IQCH: variants seen among roughly 807,000 people sequenced by gnomAD.
IQCH encodes the protein IQ domain-containing protein H.
IQCH carries 98 observed loss-of-function variants against 117.0 expected under a neutral mutation model. The observed-to-expected ratio is 0.84, with a 90% CI of 0.71 to 0.99. The LOEUF (loss-of-function observed/expected upper bound fraction) is 0.99, where lower values mean the gene tolerates loss of function less well. Ranked by LOEUF, IQCH falls within the 50% of genes least tolerant of loss-of-function variation. The pLI, the probability that IQCH is intolerant of heterozygous loss-of-function variation, is 0.00. For missense variants in IQCH, 1,102 were observed against 1,243.8 expected (o/e 0.89, Z 1.72); for synonymous variants, 412 against 448.2 (o/e 0.92, Z 1.02).
At chr15:67,306,177 G>T (rs1375424466) in intron 4 of IQCH, among the ~76,000 whole-genome samples, 3 of 151,952 alleles carry the variant, frequency 2.0e-5, no homozygotes, top group Non-Finnish European at 2.9e-5. Flanking sequence ...TTTCATTTTG[G>T]ATTTATAAAA....
chr15:67,308,545 C>G (rs1967421407), intron 4 of IQCH, among the ~76,000 whole-genome samples: 1 of 152,094 alleles, frequency 6.6e-6, no homozygotes, highest in Non-Finnish European at 1.5e-5. Flanking sequence ...GTGGCATGCA[C>G]AACATCCCAC....
At chr15:67,343,378 C>T (rs1406193633) in intron 5 of IQCH, among the ~76,000 whole-genome samples, 1 of 152,236 alleles carries the variant, frequency 6.6e-6, no homozygotes, top group Non-Finnish European at 1.5e-5. Flanking sequence ...TTCCCTCTAA[C>T]AGCAGGCTTG....
Position 67,381,311 on chromosome 15 carries a change from G to T in IQCH, c.1373-3625G>T, listed in dbSNP as rs535728219. On this transcript the variant is annotated intron_variant, in intron 10 of 20. Coordinates refer to ENST00000335894, the MANE Select transcript of IQCH (RefSeq NM_001031715.3). The surrounding 1 kb of genome is among the most constrained non-coding windows in gnomAD (Gnocchi z 5.1). ...ACCCTTGATGAGCAACCTTGGTTCA[G>T]TGGGGGACCAGAAGTAGTAGATGAG... Among the ~76,000 whole-genome samples, 1 of 152,256 alleles carries T rather than the reference G, an allele frequency of 6.6e-6. No homozygotes were observed. Among genetic ancestry groups the T allele is most frequent in the Non-Finnish European group, 1.5e-5 (1 of 68,034 alleles).
At chr15:67,483,219 A>G (rs1164538852) in intron 18 of IQCH, among the ~76,000 whole-genome samples, 38 of 152,214 alleles carry the variant, frequency 2.5e-4, no homozygotes, top group Admixed American at 2.5e-3. Flanking sequence ...CAACTAAAAC[A>G]GTCCTTAAAA....
At chr15:67,499,297 C>CAAAAAAAAAAAAAAAAAA (rs59618730) in intron 20 of IQCH, among the ~76,000 whole-genome samples, 12 of 49,158 alleles carry the variant, frequency 2.4e-4, no homozygotes, top group African/African-American at 1.0e-3. Context: ...AGACCTGTCC[C>CAAAAAAAAAAAAAAAAAA]AAAAAAAAAA....
intron 4 of IQCH, among the ~76,000 whole-genome samples, chr15:67,323,461 C>G (rs1968243656): frequency 6.6e-6 from 1 of 152,056 alleles, no homozygotes; most frequent in Admixed American, 6.5e-5. Flanking sequence ...CCAGGATGGT[C>G]TCAATCTCCT....
At position 67,329,039 on chromosome 15, in the gene IQCH, T is replaced by A. The variant is rs534853682; in HGVS notation, c.388-7936T>A. On this transcript the variant is annotated intron_variant, in intron 4 of 20. Transcript: ENST00000335894. ...TGTGGCTGGGCATGGTGGCTCACAC[T>A]TGTAATCCCAGCACTTTGGAAGGCT... is the stretch of plus-strand genomic sequence containing the variant. Among the ~76,000 whole-genome samples the A allele has an allele frequency of 2.1e-3, 326 of 152,224 alleles. 1 individual carries two copies. The highest frequency in any genetic ancestry group is 7.5e-3 in the African/African-American group (311 of 41,560).
intron 8 of IQCH, among the ~76,000 whole-genome samples, chr15:67,363,056 C>A (rs1970202010): frequency 6.6e-6 from 1 of 152,072 alleles, no homozygotes; most frequent in East Asian, 1.9e-4. Flanking sequence ...CCTGGAGATA[C>A]AAAACAAGAT....
chr15:67,460,193 C>T (rs1412400285), intron 16 of IQCH, among the ~76,000 whole-genome samples: 3 of 152,154 alleles, frequency 2.0e-5, no homozygotes, highest in Non-Finnish European at 4.4e-5. Context: ...TGCATTTGTA[C>T]CATTTCAAGT....
chr15:67,321,462 CT>C lies in IQCH; in HGVS notation c.388-15511del, dbSNP rs1164095092. Among the ~76,000 whole-genome samples the C allele has an allele frequency of 1.3e-4, 18 of 135,058 alleles. 2 individuals carry two copies. The highest frequency in any genetic ancestry group is 5.4e-4 in the East Asian group (2 of 3,684). The allele number at this position is 135,058 out of a possible 152,430, so 88.6% of individuals were successfully genotyped here. ...TTCTTTTCTTTCTTTCCTTCCTTTC[CT>C]TCCTTCCTTCCTTTCTTTCTTTCTT... On this transcript the variant is annotated intron_variant, in intron 4 of 20. Transcript: ENST00000335894.
intron 4 of IQCH, among the ~76,000 whole-genome samples, chr15:67,283,604 G>T (rs74020133): frequency 0.015 from 2,217 of 152,028 alleles, 54 homozygotes; most frequent in African/African-American, 0.047. Flanking sequence ...AGTCTAAAGA[G>T]TCCAAAGTAA....
chr15:67,472,882 G>A lies in IQCH; in HGVS notation c.2677-2814G>A, dbSNP rs1378460089. 6.6e-6 allele frequency among the ~76,000 whole-genome samples: 1 copy of A among 152,156 alleles called. No individual in the cohort carries two copies. Among genetic ancestry groups the A allele is most frequent in the African/African-American group, 2.4e-5 (1 of 41,428 alleles). On this transcript the variant is annotated intron_variant, in intron 17 of 20. Coordinates refer to ENST00000335894, the MANE Select transcript of IQCH (RefSeq NM_001031715.3). This position sits in a 1 kb window ranked among gnomAD's most constrained non-coding sequence, Gnocchi z 4.3. ...TGCATCACAAACCCCAGTCTGGGAGGAAGGGGAGTTGCACTCTGCATCTGT... is the reference window on the plus strand; with the variant it reads ...TGCATCACAAACCCCAGTCTGGGAGAAAGGGGAGTTGCACTCTGCATCTGT...
chr15:67,350,600 G>A (rs544938602), intron 6 of IQCH, among the ~76,000 whole-genome samples: 88 of 151,842 alleles, frequency 5.8e-4, no homozygotes, highest in Non-Finnish European at 1.1e-3. Context: ...CCAATTTTTC[G>A]TATTTTCAGT....
chr15:67,297,158 G>T (rs1966857645), intron 4 of IQCH, among the ~76,000 whole-genome samples: 1 of 152,132 alleles, frequency 6.6e-6, no homozygotes, highest in East Asian at 1.9e-4. Context: ...GCCCTAACAG[G>T]GAGATAAGAG....
In IQCH at chr15:67,349,157, T is replaced by G. The variant is rs140210105; in HGVS notation, c.637+4966T>G. Among the ~76,000 whole-genome samples the G allele has an allele frequency of 2.4e-4, 36 of 152,346 alleles. 1 individual carries two copies. The East Asian group carries it at 5.8e-3, about 24-fold the overall frequency. ...ATATACAGCCTAAGCTATAAAACTT[T>G]TGGAAGAAAACAAAGGGGAAAATTT... On this transcript the variant is annotated intron_variant, in intron 6 of 20. Transcript: ENST00000335894.
chr15:67,271,144 A>G (rs1965882208), intron 3 of IQCH, among the ~76,000 whole-genome samples: 1 of 152,084 alleles, frequency 6.6e-6, no homozygotes, highest in African/African-American at 2.4e-5. Flanking sequence ...AATTTTTTGT[A>G]TTTTTAGTAG....
At chr15:67,331,085 C>G (rs1484864590) in intron 4 of IQCH, among the ~76,000 whole-genome samples, 1 of 152,074 alleles carries the variant, frequency 6.6e-6, no homozygotes, top group Non-Finnish European at 1.5e-5. Flanking sequence ...CAGAGCTACC[C>G]AAGTATGCAC....
At position 67,453,552 on chromosome 15, in the gene IQCH, C is replaced by A. The variant is rs928987277; in HGVS notation, c.2506-11575C>A. ...CTGCAGAACAGTGGATTTTGGTGAACCGCAAATGCTGCTGCCTGATCATTC... is the reference window on the plus strand; with the variant it reads ...CTGCAGAACAGTGGATTTTGGTGAAACGCAAATGCTGCTGCCTGATCATTC... On this transcript the variant is annotated intron_variant, in intron 16 of 20. Transcript: ENST00000335894. The surrounding 1 kb of genome is among the most constrained non-coding windows in gnomAD (Gnocchi z 5.8). Among the ~76,000 whole-genome samples, 1 of 152,184 alleles carries A rather than the reference C, an allele frequency of 6.6e-6. No homozygotes were observed. The highest frequency in any genetic ancestry group is 2.4e-5 in the African/African-American group (1 of 41,448).
intron 8 of IQCH, among the ~76,000 whole-genome samples, chr15:67,363,176 C>A (rs116010240): frequency 1.7e-3 from 247 of 146,474 alleles, no homozygotes; most frequent in African/African-American, 5.8e-3. Flanking sequence ...AATCCAGACA[C>A]GGAAAAAAAA....
Sources: gnomAD v4.1 joint callset for allele counts (sites outside exome capture counted in the v4.1 genomes callset) on GRCh38, gnomAD v4.1.1 for gene constraint, Gnocchi (gnomAD v3.1) non-coding constraint, MANE v1.5 for transcripts, NCBI Gene and HGNC (gene_info 2026-07-23, HGNC 2026-07-21) for gene names.